SLC39A13: variants seen among roughly 807,000 people sequenced by gnomAD.
The protein encoded by SLC39A13 is zinc transporter ZIP13.
SLC39A13 carries 18 observed loss-of-function variants against 38.7 expected under a neutral mutation model. The ratio of observed to expected loss-of-function variants is 0.47; its 90% CI spans 0.32 to 0.69. SLC39A13 has a LOEUF of 0.69. SLC39A13 is among the 30% of genes least tolerant of loss of function. The pLI is 0.03. For synonymous variants in SLC39A13, 212 were observed against 219.1 expected (o/e 0.97, Z 0.29); for missense variants, 395 against 490.7 (o/e 0.80, Z 1.84).
In SLC39A13 at chr11:47,410,182, G is replaced by A; in HGVS notation, c.88G>A (p.Ala30Thr). The change falls in exon 2 of 10, where the codon GCT (alanine) becomes ACT (threonine). Residue 30 changes from alanine (A) to threonine (T), a missense_variant. Physicochemically the swap from Ala to Thr is moderately conservative, Grantham distance 58. Transcript: ENST00000362021. ...TALALELLER[A>T]GGSQPALRSR... Reference sequence around the variant, plus strand: ...CCTTGCCCTGGAGCTCTTGGAAAGGGCTGGGGGTTCCCAGCCGGCCCTCCG... The same window carrying A: ...CCTTGCCCTGGAGCTCTTGGAAAGGACTGGGGGTTCCCAGCCGGCCCTCCG... The A allele has an allele frequency of 6.2e-7, 1 of 1,613,744 alleles. No homozygotes were observed. The highest frequency in any genetic ancestry group is 8.5e-7 in the Non-Finnish European group (1 of 1,180,008).
chr11:47,411,510 C>G (rs1460390593), intron 2 of SLC39A13, among the ~76,000 whole-genome samples: 1 of 151,792 alleles, frequency 6.6e-6, no homozygotes, highest in Non-Finnish European at 1.5e-5. Context: ...GAGGCTGAGG[C>G]AGGAGAGTCG....
At chr11:47,413,799 A>G (rs1191951017) in intron 6 of SLC39A13, 113 bp downstream of exon 6, 2 of 1,156,344 alleles carry the variant, frequency 1.7e-6, no homozygotes, top group Admixed American at 2.0e-5. Context: ...CCCTCATCTA[A>G]GGCTCTCATC....
chr11:47,412,269 T>C, intron 3 of SLC39A13, 77 bp from the exon 4 acceptor site: 1 of 1,541,104 alleles, frequency 6.5e-7, no homozygotes, highest in South Asian at 1.2e-5. Context: ...CTGGATGAGA[T>C]CCCATTCCAA....
intron 2 of SLC39A13, among the ~76,000 whole-genome samples, chr11:47,411,068 A>G (rs1291423265): frequency 6.6e-6 from 1 of 152,208 alleles, no homozygotes; most frequent in African/African-American, 2.4e-5. Flanking sequence ...TTCTTTGACC[A>G]GTCCAAGGTC....
In SLC39A13 at chr11:47,410,142, C is replaced by A; in HGVS notation, c.48C>A (p.Leu16=). ...GCTGTGGCATGGCGGGCCCAAGGCT[C>A]CTCTTCCTCACTGCCCTTGCCCTGG... The part of the protein sequence containing the change: ...CPGCGMAGPR[L]LFLTALALEL... The change falls in exon 2 of 10, where the codon CTC becomes CTA. Residue 16 remains leucine (L), a synonymous_variant. Transcript: ENST00000362021. 6.2e-7 allele frequency: 1 copy of A among 1,613,236 alleles called. No homozygotes were observed. The highest frequency in any genetic ancestry group is 2.2e-5 in the East Asian group (1 of 44,884).
Position 47,413,465 on chromosome 11 carries a change from G to T in SLC39A13, c.603G>T (p.Pro201=). ...ALNGGHCLAQ[P]AAEPGLGAVV... ...ATGGAGGCCACTGTCTGGCCCAGCC[G>T]GCTGCAGAGCCCGGCCTCGGTGCCG... is the stretch of plus-strand genomic sequence containing the variant. Residue 201 remains proline (P), a synonymous_variant, in exon 5 of 10, where the codon CCG becomes CCT. Transcript: ENST00000362021. 1 of 1,614,064 alleles carries T rather than the reference G, an allele frequency of 6.2e-7. No homozygotes were observed. The highest frequency in any genetic ancestry group is 1.1e-5 in the South Asian group (1 of 91,078).
At chr11:47,414,103 A>G (rs1055646918) in intron 6 of SLC39A13, 6 of 607,052 alleles carry the variant, frequency 9.9e-6, no homozygotes, top group African/African-American at 1.9e-5. Context: ...TGGGGCCTCG[A>G]CTTACATGGA....
rs1390618268 is a variant in SLC39A13 at position 47,415,771 on chromosome 11, C to T, written c.*408C>T. The T allele has an allele frequency of 9.1e-6, 3 of 330,232 alleles. No homozygotes were observed. The East Asian group carries it at 2.4e-4, about 26-fold the overall frequency. The allele number at this position is 330,232 out of a possible 1,614,324, so 20.5% of individuals were successfully genotyped here. A position where few individuals can be genotyped will look rare whatever the true frequency, so the allele number is the denominator to read the frequency against. On this transcript the variant is annotated 3_prime_UTR_variant, in exon 10 of 10. Transcript: ENST00000362021. Reference sequence around the variant, plus strand: ...CAGGGAACTCCAGAGCTGCCCACCTCCCACTGCCCCCTCAGCACACACACA... The same window carrying T: ...CAGGGAACTCCAGAGCTGCCCACCTTCCACTGCCCCCTCAGCACACACACA...
rs778878804 is a variant in SLC39A13 at position 47,410,362 on chromosome 11, C to G, written c.268C>G (p.Pro90Ala). ...TGGGGTCTTCCCGTTGCTTGTCATTCCCCTAGAGATGGGGACCATGCTGCG... is the reference window on the plus strand; with the variant it reads ...TGGGGTCTTCCCGTTGCTTGTCATTGCCCTAGAGATGGGGACCATGCTGCG... ...LSGVFPLLVI[P>A]LEMGTMLRSE... is the part of the protein sequence containing the mutation. Residue 90 changes from proline (P) to alanine (A), a missense_variant, in exon 2 of 10, where the codon CCC becomes GCC. By Grantham distance (27) the Pro-to-Ala change is conservative. Transcript: ENST00000362021. 1 of 1,614,104 alleles carries G rather than the reference C, an allele frequency of 6.2e-7. No individual in the cohort carries two copies. The highest frequency in any genetic ancestry group is 1.1e-5 in the South Asian group (1 of 91,078).
chr11:47,408,436 C>T (rs1339795462), upstream of SLC39A13: 1 of 151,836 alleles, frequency 6.6e-6, no homozygotes, highest in Non-Finnish European at 1.5e-5. Context: ...CCCGGGTCCC[C>T]CACCGCCGCG....
At chr11:47,411,902 A>C in intron 2 of SLC39A13, 24 bp from the exon 3 acceptor site, 20 of 1,605,972 alleles carry the variant, frequency 1.2e-5, no homozygotes, top group Non-Finnish European at 1.7e-5. Flanking sequence ...GTCAGCCCCC[A>C]GACCCCGCAT....
In SLC39A13 at chr11:47,413,522, C is replaced by A; in HGVS notation, c.645+15C>A. On this transcript the variant is annotated intron_variant, in intron 5 of 9. Transcript: ENST00000362021. ...GGAGCATCAAAGTGAGTGGCCTGCT[C>A]AGGGCCCCTGCAGCCGTACTGCCCT... 6.2e-7 allele frequency: 1 copy of A among 1,613,912 alleles called. No homozygotes were observed. The highest frequency in any genetic ancestry group is 8.5e-7 in the Non-Finnish European group (1 of 1,179,896).
In SLC39A13 at chr11:47,413,427, G is replaced by A; in HGVS notation, c.565G>A (p.Ala189Thr). ...QAPNKDPTAAAAALNGGHCLA... is the reference protein window; with the variant it reads ...QAPNKDPTAATAALNGGHCLA... Reference sequence around the variant, plus strand: ...CCCCAACAAAGACCCCACTGCTGCTGCCGCCGCGCTCAATGGAGGCCACTG... The same window carrying A: ...CCCCAACAAAGACCCCACTGCTGCTACCGCCGCGCTCAATGGAGGCCACTG... The change falls in exon 5 of 10, where the codon GCC becomes ACC. Residue 189 changes from alanine (A) to threonine (T), a missense_variant. Physicochemically the swap from Ala to Thr is moderately conservative, Grantham distance 58. Transcript: ENST00000362021. 1 of 1,614,106 alleles carries A rather than the reference G, an allele frequency of 6.2e-7. No individual in the cohort carries two copies. Among genetic ancestry groups the A allele is most frequent in the Non-Finnish European group, 8.5e-7 (1 of 1,179,954 alleles).
chr11:47,415,317 G>T lies in SLC39A13; in HGVS notation c.1070G>T (p.Cys357Phe). 2 of 1,614,080 alleles carry T rather than the reference G, an allele frequency of 1.2e-6. No individual in the cohort carries two copies. The highest frequency in any genetic ancestry group is 1.7e-6 in the Non-Finnish European group (2 of 1,180,028). Residue 357 changes from cysteine to phenylalanine, a missense_variant, in exon 10 of 10, where the codon TGT becomes TTT. By Grantham distance (205) the Cys-to-Phe change is radical. Transcript: ENST00000362021. ...WRSLQQLLLL[C>F]AGIVVMVLFS... Reference sequence around the variant, plus strand: ...TCCCTGCAGCAGCTGCTTCTGCTCTGTGCGGGCATCGTGGTAATGGTGCTG... The same window carrying T: ...TCCCTGCAGCAGCTGCTTCTGCTCTTTGCGGGCATCGTGGTAATGGTGCTG...
chr11:47,415,863 C>T lies in SLC39A13; in HGVS notation c.*500C>T. 1 of 236,986 alleles carries T rather than the reference C, an allele frequency of 4.2e-6. No individual in the cohort carries two copies. Among genetic ancestry groups the T allele is most frequent in the East Asian group, 1.1e-4 (1 of 9,196 alleles). The allele number at this position is 236,986 out of a possible 1,614,324, so 14.7% of individuals were successfully genotyped here. ...TCCCTTTTCCTGGCCCTTCCTTCCC[C>T]ACTTCTAAGCCAAAGAAAGGAGAGG... is the stretch of plus-strand genomic sequence containing the variant. On this transcript the variant is annotated 3_prime_UTR_variant, in exon 10 of 10. Transcript: ENST00000362021.
chr11:47,415,760 G>C lies in SLC39A13; in HGVS notation c.*397G>C. 2.9e-6 allele frequency: 1 copy of C among 343,108 alleles called. No individual in the cohort carries two copies. The highest frequency in any genetic ancestry group is 2.6e-5 in the South Asian group (1 of 39,142). The allele number at this position is 343,108 out of a possible 1,614,324, so 21.3% of individuals were successfully genotyped here. A position where few individuals can be genotyped will look rare whatever the true frequency, so the allele number is the denominator to read the frequency against. ...GATCCAGGGTGCAGGGAACTCCAGA[G>C]CTGCCCACCTCCCACTGCCCCCTCA... On this transcript the variant is annotated 3_prime_UTR_variant, in exon 10 of 10. Transcript: ENST00000362021.
At chr11:47,412,087 C>T in intron 3 of SLC39A13, 48 bp downstream of exon 3, 1 of 1,562,962 alleles carries the variant, frequency 6.4e-7, no homozygotes, top group Non-Finnish European at 8.7e-7. Context: ...GGAGTGGGGG[C>T]CTGGTGCCCA....
At chr11:47,409,897 CAGG>C in intron 1 of SLC39A13, 187 bp from the exon 2 acceptor site, 1 of 634,334 alleles carries the variant, frequency 1.6e-6, no homozygotes, top group South Asian at 1.9e-5. Flanking sequence ...ACGCAGTGCT[CAGG>C]AGTAGGGTGT....
chr11:47,413,879 C>T, intron 6 of SLC39A13, 193 bp downstream of exon 6: 1 of 739,052 alleles, frequency 1.4e-6, no homozygotes, highest in Non-Finnish European at 2.4e-6. Flanking sequence ...TGTTCCTGTT[C>T]CCAGTACTCC....
Sources: allele counts gnomAD v4.1 joint callset (sites outside exome capture counted in the v4.1 genomes callset), GRCh38; gene constraint gnomAD v4.1.1; transcripts MANE v1.5; gene names NCBI Gene and HGNC (gene_info 2026-07-23, HGNC 2026-07-21).